The following ELP4 variants were observed in gnomAD, a reference collection of about 807,000 sequenced individuals.
ELP4 encodes the protein elongator acetyltransferase complex subunit 4, also known as elongator complex protein 4.
Under a neutral mutation model 48.9 loss-of-function variants are expected in ELP4, and 51 were observed. The ratio of observed to expected loss-of-function variants is 1.04; its 90% confidence interval spans 0.83 to 1.32. ELP4 has a LOEUF of 1.32. ELP4 is among the 40% of genes most tolerant of loss of function. The pLI is 0.00. For synonymous variants in ELP4, 210 were observed against 189.2 expected, an observed-to-expected ratio of 1.11 and a Z score of -0.90; for missense variants, 519 against 514.6, an observed-to-expected ratio of 1.01 and a Z score of -0.08.
chr11:31,568,671 A>G (rs1347749714), intron 3 of ELP4, among the ~76,000 whole-genome samples: 1 of 152,184 alleles, frequency 6.6e-6, no homozygotes, highest in Non-Finnish European at 1.5e-5. Context: ...AAAAGTAAGC[A>G]ATGAGGAAAG....
intron 3 of ELP4, among the ~76,000 whole-genome samples, chr11:31,546,095 G>A (rs1956706713): frequency 6.6e-6 from 1 of 151,522 alleles, no homozygotes; most frequent in South Asian, 2.1e-4. Context: ...AAAATAACCA[G>A]CTAACATTAT....
chr11:31,740,206 C>T (rs569571940), intron 9 of ELP4, among the ~76,000 whole-genome samples: 1 of 152,340 alleles, frequency 6.6e-6, no homozygotes, highest in Admixed American at 6.5e-5. Context: ...TAGTCTGTTA[C>T]AGGGAAAAGG....
intron 9 of ELP4, among the ~76,000 whole-genome samples, chr11:31,742,196 A>C (rs1196753691): frequency 1.3e-5 from 2 of 152,244 alleles, no homozygotes; most frequent in Non-Finnish European, 2.9e-5. Flanking sequence ...AGTTTAGAGA[A>C]AAAAGAATGA....
chr11:31,528,022 T>A (rs1956326876), intron 2 of ELP4, among the ~76,000 whole-genome samples: 1 of 152,088 alleles, frequency 6.6e-6, no homozygotes, highest in South Asian at 2.1e-4. Flanking sequence ...TTTCCTCTTG[T>A]TTTTGAAGTC....
At chr11:31,539,997 G>T (rs535909679) in intron 3 of ELP4, among the ~76,000 whole-genome samples, 1 of 152,228 alleles carries the variant, frequency 6.6e-6, no homozygotes, top group African/African-American at 2.4e-5. Context: ...ATTTTTTAAA[G>T]TTCATATGAG....
At chr11:31,776,755 A>C (rs1191003234) in intron 9 of ELP4, among the ~76,000 whole-genome samples, 1 of 152,236 alleles carries the variant, frequency 6.6e-6, no homozygotes, top group East Asian at 1.9e-4. Flanking sequence ...TCAGTCAGGA[A>C]GAACCCAATG....
intron 8 of ELP4, 61 bp from the exon 9 acceptor site, chr11:31,650,054 T>C: frequency 1.4e-6 from 1 of 699,780 alleles, no homozygotes; most frequent in Middle Eastern, 3.0e-4. Flanking sequence ...TAAGACTGTT[T>C]AATTTATGCA....
chr11:31,641,389 G>C (rs1413186267), intron 7 of ELP4, among the ~76,000 whole-genome samples: 3 of 151,472 alleles, frequency 2.0e-5, no homozygotes, highest in Non-Finnish European at 4.4e-5. Flanking sequence ...TAATTCAAAG[G>C]CATTCTTAAT....
intron 2 of ELP4, among the ~76,000 whole-genome samples, chr11:31,533,577 A>G (rs1041865376): frequency 5.3e-5 from 8 of 149,884 alleles, no homozygotes; most frequent in African/African-American, 7.4e-5. Flanking sequence ...TTTAGTAGAG[A>G]CGGGGTTTCA....
At chr11:31,600,632 T>G (rs770167838) in intron 4 of ELP4, 9 of 152,164 alleles carry the variant, frequency 5.9e-5, no homozygotes, top group Non-Finnish European at 1.2e-4. Flanking sequence ...CTTCACAATT[T>G]ACAGAATATT....
At chr11:31,696,986 A>G (rs1418386718) in intron 9 of ELP4, among the ~76,000 whole-genome samples, 1 of 152,072 alleles carries the variant, frequency 6.6e-6, no homozygotes, top group Non-Finnish European at 1.5e-5. Context: ...CAAATGGAAA[A>G]CAAAAAAAGG....
At chr11:31,643,739 C>T (rs1312474018) in intron 7 of ELP4, among the ~76,000 whole-genome samples, 1 of 151,494 alleles carries the variant, frequency 6.6e-6, no homozygotes, top group Non-Finnish European at 1.5e-5. Flanking sequence ...TTGTTTTACC[C>T]TAATAAAAAA....
intron 3 of ELP4, among the ~76,000 whole-genome samples, chr11:31,549,941 A>T (rs12222110): frequency 6.6e-6 from 1 of 152,100 alleles, no homozygotes. Flanking sequence ...AACAATGAGA[A>T]CACATGGACA....
chr11:31,653,793 A>C (rs1179544919), intron 9 of ELP4: 1 of 151,780 alleles, frequency 6.6e-6, no homozygotes, highest in African/African-American at 2.4e-5. Context: ...ACTTGAGTAC[A>C]TGGCGTCACT....
intron 2 of ELP4, among the ~76,000 whole-genome samples, chr11:31,529,419 A>G (rs1458418071): frequency 6.6e-6 from 1 of 152,120 alleles, no homozygotes; most frequent in Non-Finnish European, 1.5e-5. Flanking sequence ...AAAGTCAAGG[A>G]CTGGAGAAAG....
chr11:31,741,421 G>C (rs1328398613), intron 9 of ELP4, among the ~76,000 whole-genome samples: 1 of 152,202 alleles, frequency 6.6e-6, no homozygotes, highest in Non-Finnish European at 1.5e-5. Context: ...CACGCAGCTT[G>C]AGATCTGAGA....
chr11:31,734,414 A>G (rs1947259230), intron 9 of ELP4, among the ~76,000 whole-genome samples: 1 of 152,230 alleles, frequency 6.6e-6, no homozygotes, highest in Non-Finnish European at 1.5e-5. Context: ...GAAAGGAAGA[A>G]GCAAAATGCT....
intron 3 of ELP4, among the ~76,000 whole-genome samples, chr11:31,590,568 T>C (rs1237265137): frequency 6.6e-6 from 1 of 152,288 alleles, no homozygotes; most frequent in African/African-American, 2.4e-5. Flanking sequence ...AAGTTGGGTG[T>C]ATTCGGCCAT....
chr11:31,590,259 C>T (rs1047788372), intron 3 of ELP4, among the ~76,000 whole-genome samples: 2 of 152,048 alleles, frequency 1.3e-5, no homozygotes, highest in Non-Finnish European at 2.9e-5. Flanking sequence ...TATATATGTA[C>T]TCTTGTTATT....
Sources: allele counts gnomAD v4.1 joint callset (sites outside exome capture counted in the v4.1 genomes callset), GRCh38; gene constraint gnomAD v4.1.1; transcripts MANE v1.5; gene names NCBI Gene and HGNC (gene_info 2026-07-23, HGNC 2026-07-21).